Variants in SEMA5A observed in about 807,000 individuals in gnomAD.
SEMA5A encodes semaphorin 5A.
SEMA5A carries 55 observed loss-of-function variants against 135.5 expected under a neutral mutation model. The ratio of observed to expected loss-of-function variants is 0.41; its 90% CI spans 0.33 to 0.51. The LOEUF is 0.51. Ranked by LOEUF, SEMA5A falls within the 20% of genes least tolerant of loss-of-function variation. The pLI is 0.37. For synonymous variants in SEMA5A, 580 were observed against 546.5 expected (o/e 1.06, Z -0.85); for missense variants, 1,290 against 1,419.9 (o/e 0.91, Z 1.47).
At chr5:9,347,689 T>A (rs1753937336) in intron 3 of SEMA5A, among the ~76,000 whole-genome samples, 1 of 152,230 alleles carries the variant, frequency 6.6e-6, no homozygotes, top group African/African-American at 2.4e-5. Flanking sequence ...AGCAGGGACC[T>A]GCATGGAGAG....
chr5:9,299,456 G>C (rs557934308), intron 5 of SEMA5A, among the ~76,000 whole-genome samples: 42 of 152,300 alleles, frequency 2.8e-4, no homozygotes, highest in African/African-American at 1.0e-3. Context: ...TGGGGATGAT[G>C]AGTTCACACC....
chr5:9,156,252 G>A (rs138612765), intron 11 of SEMA5A, among the ~76,000 whole-genome samples: 1 of 152,304 alleles, frequency 6.6e-6, no homozygotes, highest in Non-Finnish European at 1.5e-5. Context: ...GGACATCACA[G>A]TTCATAAGCT....
At chr5:9,384,611 G>A (rs7701250) in intron 2 of SEMA5A, among the ~76,000 whole-genome samples, 1 of 73,536 alleles carries the variant, frequency 1.4e-5, no homozygotes, top group Non-Finnish European at 2.8e-5. Context: ...TAGATAGATA[G>A]ATAGATACAT....
chr5:9,139,267 C>G (rs1248034608), intron 12 of SEMA5A, among the ~76,000 whole-genome samples: 2 of 152,166 alleles, frequency 1.3e-5, no homozygotes, highest in Non-Finnish European at 2.9e-5. Context: ...AAAAGCAAGG[C>G]TGCAGTGCTC....
chr5:9,296,708 G>A (rs1014786319), intron 5 of SEMA5A, among the ~76,000 whole-genome samples: 2 of 151,826 alleles, frequency 1.3e-5, no homozygotes, highest in Non-Finnish European at 1.5e-5. Context: ...CAGAAAGCAG[G>A]CCGGTCAAAA....
chr5:9,334,793 C>T (rs1302689810), intron 4 of SEMA5A, among the ~76,000 whole-genome samples: 5 of 152,136 alleles, frequency 3.3e-5, no homozygotes, highest in African/African-American at 7.2e-5. Flanking sequence ...TTGGAACATA[C>T]TTATGATAAA....
intron 16 of SEMA5A, among the ~76,000 whole-genome samples, chr5:9,082,252 G>C (rs953212369): frequency 2.0e-5 from 3 of 152,132 alleles, no homozygotes; most frequent in African/African-American, 7.2e-5. Flanking sequence ...AATGTAAACA[G>C]AATTCAAAAG....
chr5:9,440,616 T>C (rs1758198122), intron 1 of SEMA5A, among the ~76,000 whole-genome samples: 1 of 152,122 alleles, frequency 6.6e-6, no homozygotes, highest in Non-Finnish European at 1.5e-5. Flanking sequence ...TCCCAGAAGT[T>C]TTGCCCTGTG....
At chr5:9,531,468 C>A (rs1561327078) in intron 1 of SEMA5A, among the ~76,000 whole-genome samples, 1 of 152,314 alleles carries the variant, frequency 6.6e-6, no homozygotes, top group East Asian at 1.9e-4. Context: ...ACCTTTGAAG[C>A]TTCCTTCAGC....
At chr5:9,384,699 G>GATAA (rs1755809088) in intron 2 of SEMA5A, among the ~76,000 whole-genome samples, 1 of 141,482 alleles carries the variant, frequency 7.1e-6, no homozygotes, top group Admixed American at 7.6e-5. Flanking sequence ...TAGATAGATA[G>GATAA]ATAGATAGAT....
intron 1 of SEMA5A, among the ~76,000 whole-genome samples, chr5:9,480,398 G>A (rs77628951): frequency 2.0e-3 from 306 of 152,100 alleles, no homozygotes; most frequent in African/African-American, 7.2e-3. Context: ...AATATTAACC[G>A]CCTAAGGCAA....
intron 5 of SEMA5A, among the ~76,000 whole-genome samples, chr5:9,311,831 T>C (rs1439782700): frequency 1.3e-5 from 2 of 152,116 alleles, no homozygotes; most frequent in Non-Finnish European, 1.5e-5. Context: ...ATTGATCATG[T>C]AGTCAGAGAG....
At chr5:9,121,014 G>A (rs566805628) in intron 14 of SEMA5A, among the ~76,000 whole-genome samples, 1 of 152,256 alleles carries the variant, frequency 6.6e-6, no homozygotes, top group Non-Finnish European at 1.5e-5. Flanking sequence ...CCGACCTCAG[G>A]TGATCTGCCC....
chr5:9,355,987 G>A (rs533346070), intron 3 of SEMA5A, among the ~76,000 whole-genome samples: 152 of 152,186 alleles, frequency 1.0e-3, no homozygotes, highest in Middle Eastern at 3.4e-3. Flanking sequence ...ATTATTTAAC[G>A]CCATCCCTGA....
At chr5:9,543,783 AC>A (rs1313122155) in intron 1 of SEMA5A, among the ~76,000 whole-genome samples, 1 of 152,078 alleles carries the variant, frequency 6.6e-6, no homozygotes. Flanking sequence ...AAGGGAAAAA[AC>A]ATCTGTGTTT....
chr5:9,501,985 G>T (rs1735620722), intron 1 of SEMA5A, among the ~76,000 whole-genome samples: 1 of 152,102 alleles, frequency 6.6e-6, no homozygotes, highest in South Asian at 2.1e-4. Flanking sequence ...TGGAATTGAG[G>T]TATCTATATT....
Position 9,480,935 on chromosome 5 carries a change from T to G in SEMA5A, c.-174-43083A>C, listed in dbSNP as rs185699531. On this transcript the variant is annotated intron_variant, in intron 1 of 22. Coordinates refer to ENST00000382496, the MANE Select transcript of SEMA5A (RefSeq NM_003966.3). ...CACTAAGAGACTAGAAAACATGGTT[T>G]TTTGTTTTTTTGGTTTTTTGGTTTT... Among the ~76,000 whole-genome samples, 494 of 151,976 alleles carry G rather than the reference T, an allele frequency of 3.3e-3. 2 individuals are homozygous for G. The South Asian group carries it at 0.041, about 13-fold the overall frequency.
intron 3 of SEMA5A, among the ~76,000 whole-genome samples, chr5:9,375,603 C>G (rs1443853941): frequency 6.7e-6 from 1 of 148,154 alleles, no homozygotes; most frequent in Non-Finnish European, 1.5e-5. Context: ...TTTAAGCCAT[C>G]TAGTGTGCAG....
intron 11 of SEMA5A, among the ~76,000 whole-genome samples, chr5:9,181,492 GC>G (rs145191398): frequency 1.3e-5 from 2 of 152,076 alleles, no homozygotes; most frequent in East Asian, 1.9e-4. Flanking sequence ...TCAATTGGCA[GC>G]CCCCCTGGCA....
Sources: gnomAD v4.1 joint callset for allele counts (sites outside exome capture counted in the v4.1 genomes callset) on GRCh38, gnomAD v4.1.1 for gene constraint, MANE v1.5 for transcripts, NCBI Gene and HGNC (gene_info 2026-07-23, HGNC 2026-07-21) for gene names.